The following WDR41 variants were observed in gnomAD, a reference collection of about 807,000 sequenced individuals.
WDR41 encodes WD repeat domain 41.
Under a neutral mutation model 69.3 loss-of-function variants are expected in WDR41, and 63 were observed. The observed-to-expected ratio is 0.91, with a 90% CI of 0.74 to 1.12. WDR41 has a LOEUF of 1.12. WDR41 is among the 50% of genes most tolerant of loss of function. The pLI, the probability that WDR41 is intolerant of heterozygous loss-of-function variation, is 0.00. For missense variants in WDR41, 543 were observed against 534.5 expected (o/e 1.02, Z -0.16); for synonymous variants, 185 against 192.1 (o/e 0.96, Z 0.31).
At position 77,620,022 on chromosome 5, in the gene WDR41, T is replaced by C. The variant is rs138954084; in HGVS notation, c.42+457A>G. ...GTGAAATATGTCCAAGAAATAAGCATATATATATGCTATATATATAATATA... is the reference window on the plus strand; with the variant it reads ...GTGAAATATGTCCAAGAAATAAGCACATATATATGCTATATATATAATATA... On this transcript the variant is annotated intron_variant, in intron 1 of 5. Transcript: ENST00000509971. Among the ~76,000 whole-genome samples the C allele has an allele frequency of 2.6e-5, 4 of 152,224 alleles. No individual in the cohort carries two copies. In the East Asian group the frequency reaches 7.7e-4, roughly 29 times the overall value.
chr5:77,473,626 T>A (rs956301166), intron 2 of WDR41, among the ~76,000 whole-genome samples: 2 of 152,000 alleles, frequency 1.3e-5, no homozygotes, highest in Non-Finnish European at 2.9e-5. Context: ...TATCAACAAG[T>A]GGGTAAAGGA....
intron 12 of WDR41, among the ~76,000 whole-genome samples, chr5:77,435,138 A>C (rs1798890307): frequency 6.6e-6 from 1 of 152,122 alleles, no homozygotes. Flanking sequence ...TCACCTCCCA[A>C]CCATAAACAC....
intron 1 of WDR41, among the ~76,000 whole-genome samples, chr5:77,566,118 T>C (rs1370174292): frequency 6.6e-6 from 1 of 152,130 alleles, no homozygotes. Context: ...TTCTTCCTCT[T>C]GTGAGCTTAA....
At chr5:77,587,246 G>A (rs557665607) in intron 1 of WDR41, among the ~76,000 whole-genome samples, 1 of 152,060 alleles carries the variant, frequency 6.6e-6, no homozygotes, top group East Asian at 1.9e-4. Context: ...TCTGTAAGAT[G>A]GACATTTGAT....
Position 77,451,310 on chromosome 5 carries a change from T to G in WDR41, c.567A>C (p.Ala189=). 1 of 1,613,772 alleles carries G rather than the reference T, an allele frequency of 6.2e-7. No homozygotes were observed. The highest frequency in any genetic ancestry group is 8.5e-7 in the Non-Finnish European group (1 of 1,179,750). Residue 189 remains alanine, a synonymous_variant, in exon 7 of 13, where the codon GCA becomes GCC. Coordinates refer to ENST00000296679, the MANE Select transcript of WDR41 (RefSeq NM_018268.4). The stretch of plus-strand genomic sequence containing the variant: ...ACTCACTCAGTTCTTTGCCAACTGC[T>G]GCCACAACACAGTTCTTAGGTATTT... ...LVEIPKNCVV[A]AVGKELIIFR...
intron 2 of WDR41, among the ~76,000 whole-genome samples, chr5:77,480,867 A>C (rs689657): frequency 0.15 from 22,037 of 151,588 alleles, 2,314 homozygotes; most frequent in African/African-American, 0.27. Flanking sequence ...TACCAAAAAA[A>C]TCTGTGTGAC....
rs1052318656 is a variant in WDR41, at chr5:77,432,111, A to G, written c.*1024T>C. The stretch of plus-strand genomic sequence containing the variant: ...AACTTATGGAGATTCCCTTTAGGGT[A>G]TATTTGTAGTATATTTGTATAATGA... On this transcript the variant is annotated 3_prime_UTR_variant, in exon 13 of 13. Coordinates refer to ENST00000296679, the MANE Select transcript of WDR41 (RefSeq NM_018268.4). 4 of 152,334 alleles carry G rather than the reference A, an allele frequency of 2.6e-5. No individual in the cohort carries two copies. In the South Asian group the frequency reaches 8.3e-4, roughly 32 times the overall value. The allele number at this position is 152,334 out of a possible 1,614,324, so 9.4% of individuals were successfully genotyped here. A position where few individuals can be genotyped will look rare whatever the true frequency, so the allele number is the denominator to read the frequency against.
chr5:77,529,926 C>T (rs1027504497), intron 1 of WDR41, among the ~76,000 whole-genome samples: 2 of 151,650 alleles, frequency 1.3e-5, no homozygotes, highest in Non-Finnish European at 3.0e-5. Context: ...TTTTAGTTGG[C>T]AGCATGGGAT....
intron 1 of WDR41, among the ~76,000 whole-genome samples, chr5:77,505,293 T>C (rs1164931256): frequency 3.3e-5 from 5 of 151,034 alleles, no homozygotes; most frequent in African/African-American, 1.2e-4. Context: ...ACAAAGAGAG[T>C]AAAATACATA....
At chr5:77,461,634 G>A (rs1453525888) in intron 4 of WDR41, among the ~76,000 whole-genome samples, 4 of 152,098 alleles carry the variant, frequency 2.6e-5, no homozygotes, top group African/African-American at 7.2e-5. Context: ...TCAGGAGTTC[G>A]AGGCCAGCCT....
At position 77,612,968 on chromosome 5, in the gene WDR41, A is replaced by G. The variant is rs1291287289; in HGVS notation, c.42+7511T>C. 7.7e-3 allele frequency among the ~76,000 whole-genome samples: 1,160 copies of G among 151,340 alleles called. 15 individuals carry two copies. Among genetic ancestry groups the G allele is most frequent in the African/African-American group, 0.026 (1,068 of 41,212 alleles). On this transcript the variant is annotated intron_variant, in intron 1 of 5. Coordinates refer to the WDR41 transcript ENST00000509971. The stretch of plus-strand genomic sequence containing the variant: ...AAGTCTCAGGATACAAAATCAATGT[A>G]CAAAAATCACAAGCATTCTTATACA...
chr5:77,442,894 C>CAAAAAAAAAAAAAAAAA lies in WDR41; in HGVS notation c.698-1914_698-1898dup, dbSNP rs60442242. 4.1e-3 allele frequency among the ~76,000 whole-genome samples: 233 copies of CAAAAAAAAAAAAAAAAA among 56,152 alleles called. 17 individuals carry two copies. The highest frequency in any genetic ancestry group is 0.011 in the East Asian group (20 of 1,812). The allele number at this position is 56,152 out of a possible 152,430, so 36.8% of individuals were successfully genotyped here. ...GCGACAGAGCGAGACTCTGTCTCCCCAAAAAAAAAAAAAAAAAAAGGATTT... is the reference window on the plus strand; with the variant it reads ...GCGACAGAGCGAGACTCTGTCTCCCCAAAAAAAAAAAAAAAAAAAAAAAAAAAAAAAAAAAAGGATTT... On this transcript the variant is annotated intron_variant, in intron 8 of 12. Coordinates refer to ENST00000296679, the MANE Select transcript of WDR41 (RefSeq NM_018268.4).
chr5:77,513,069 TA>T (rs1056249629), intron 1 of WDR41, among the ~76,000 whole-genome samples: 52 of 152,328 alleles, frequency 3.4e-4, no homozygotes, highest in African/African-American at 1.3e-3. Context: ...GACGCTAAAA[TA>T]AACTTAAGTA....
intron 1 of WDR41, among the ~76,000 whole-genome samples, chr5:77,553,942 T>G (rs1239059510): frequency 6.6e-6 from 1 of 152,172 alleles, no homozygotes; most frequent in African/African-American, 2.4e-5. Context: ...TTCTGGACAT[T>G]TATGCCAGAG....
chr5:77,557,082 T>C (rs1743417574), intron 1 of WDR41, among the ~76,000 whole-genome samples: 3 of 152,194 alleles, frequency 2.0e-5, no homozygotes, highest in Admixed American at 2.0e-4. Context: ...AAAAAATTCC[T>C]TGTGGATTAG....
chr5:77,526,888 A>G (rs896670607), intron 1 of WDR41, among the ~76,000 whole-genome samples: 1 of 152,104 alleles, frequency 6.6e-6, no homozygotes, highest in African/African-American at 2.4e-5. Flanking sequence ...TCAAAATTTG[A>G]TATGGCTCCT....
intron 1 of WDR41, among the ~76,000 whole-genome samples, chr5:77,513,888 C>T (rs1038695804): frequency 2.0e-5 from 3 of 151,496 alleles, no homozygotes; most frequent in African/African-American, 7.3e-5. Flanking sequence ...AATTCTAATA[C>T]CCTATGCACA....
intron 1 of WDR41, among the ~76,000 whole-genome samples, chr5:77,502,628 C>T (rs1802037735): frequency 6.6e-6 from 1 of 152,156 alleles, no homozygotes; most frequent in Admixed American, 6.5e-5. Flanking sequence ...GAGAAAGGTC[C>T]AGTTACCCAC....
At chr5:77,454,217 G>T (rs575041682) in intron 5 of WDR41, among the ~76,000 whole-genome samples, 5 of 152,252 alleles carry the variant, frequency 3.3e-5, no homozygotes, top group African/African-American at 1.2e-4. Flanking sequence ...GCAGTCACAT[G>T]GAGAAAGGTC....
Sources: gnomAD v4.1 joint callset for allele counts (sites outside exome capture counted in the v4.1 genomes callset) on GRCh38, gnomAD v4.1.1 for gene constraint, MANE v1.5 for transcripts, NCBI Gene and HGNC (gene_info 2026-07-23, HGNC 2026-07-21) for gene names.